The following LYPD6B variants were observed in gnomAD, a reference collection of about 807,000 sequenced individuals.
The protein encoded by LYPD6B is ly6/PLAUR domain-containing protein 6B.
Under a neutral mutation model 22.8 loss-of-function variants are expected in LYPD6B, and 17 were observed. That is an observed-to-expected ratio of 0.75 (90% CI 0.51 to 1.12). The LOEUF (loss-of-function observed/expected upper bound fraction) is 1.12. LYPD6B is among the 50% of genes most tolerant of loss of function. The probability of loss-of-function intolerance (pLI) is 0.00; values close to 1 mark genes in which losing one functional copy is unlikely to be tolerated. For synonymous variants in LYPD6B, 106 were observed against 91.6 expected, an observed-to-expected ratio of 1.16 and a Z score of -0.90; for missense variants, 221 against 258.3, an observed-to-expected ratio of 0.86 and a Z score of 0.99.
chr2:149,208,167 A>G, intron 4 of LYPD6B, 147 bp from the exon 5 acceptor site: 1 of 607,246 alleles, frequency 1.6e-6, no homozygotes. Flanking sequence ...TGATGAGTAA[A>G]TCTAGCTCTC....
At chr2:149,194,783 G>T (rs138993846) in intron 3 of LYPD6B, among the ~76,000 whole-genome samples, 1 of 152,334 alleles carries the variant, frequency 6.6e-6, no homozygotes, top group Non-Finnish European at 1.5e-5. Flanking sequence ...CCAGAGCACA[G>T]TGTAGGGTGG....
intron 1 of LYPD6B, among the ~76,000 whole-genome samples, chr2:149,121,382 T>C (rs549732262): frequency 1.3e-5 from 2 of 152,306 alleles, no homozygotes; most frequent in South Asian, 4.1e-4. Flanking sequence ...TTTTCTACTT[T>C]TTTATGTGAT....
rs1180949013 is a variant in LYPD6B at position 149,080,858 on chromosome 2, AAAAAAAAAAC to A, written c.-67+42058_-67+42067del. Among the ~76,000 whole-genome samples the A allele has an allele frequency of 4.8e-4, 64 of 133,332 alleles. 4 individuals carry two copies. Among genetic ancestry groups the A allele is most frequent in the African/African-American group, 1.7e-3 (61 of 36,176 alleles). 87.5% of individuals were successfully genotyped at this position (133,332 alleles called of 152,430 possible). On this transcript the variant is annotated intron_variant, in intron 1 of 6. Coordinates refer to ENST00000409642, the MANE Select transcript of LYPD6B (RefSeq NM_177964.5). Reference sequence around the variant, plus strand: ...CTCTATCTCAAAAAAAAAAAAAAAAAAAAAAAAAACCACACAAAAAAATTCAGTATATTAG... The same window carrying A: ...CTCTATCTCAAAAAAAAAAAAAAAAACACACAAAAAAATTCAGTATATTAG...
At chr2:149,165,401 A>T (rs1239860760) in intron 3 of LYPD6B, among the ~76,000 whole-genome samples, 1 of 152,214 alleles carries the variant, frequency 6.6e-6, no homozygotes, top group East Asian at 1.9e-4. Flanking sequence ...TATAAAAGCA[A>T]TCTGAAATTA....
chr2:149,072,230 C>G (rs1459983538), intron 1 of LYPD6B, among the ~76,000 whole-genome samples: 3 of 152,166 alleles, frequency 2.0e-5, no homozygotes, highest in African/African-American at 7.2e-5. Flanking sequence ...ACATGTGCCT[C>G]TGGTGAAGAG....
At chr2:149,158,585 G>A (rs544369769) in intron 2 of LYPD6B, among the ~76,000 whole-genome samples, 2 of 152,234 alleles carry the variant, frequency 1.3e-5, no homozygotes, top group South Asian at 4.1e-4. Flanking sequence ...AAAAAGTTAT[G>A]GGAATGGATC....
rs1177871935 is a variant in LYPD6B at position 149,156,934 on chromosome 2, G to A, written c.6-3830G>A. ...GGCTAATGGGACTATTTTAGGGGAA[G>A]TGGGGGTGTGGTTGTACATCAGAAA... On this transcript the variant is annotated intron_variant, in intron 2 of 6. Transcript: ENST00000409642. Among the ~76,000 whole-genome samples the A allele has an allele frequency of 2.0e-5, 3 of 152,320 alleles. No individual in the cohort carries two copies. The East Asian group carries it at 5.8e-4, about 29-fold the overall frequency.
At chr2:149,101,044 C>G (rs1046234513) in intron 1 of LYPD6B, 1 of 152,156 alleles carries the variant, frequency 6.6e-6, no homozygotes, top group Non-Finnish European at 1.5e-5. Flanking sequence ...ACAATAGACC[C>G]TCTTGTTGTC....
At chr2:149,115,805 G>A (rs568497703) in intron 1 of LYPD6B, among the ~76,000 whole-genome samples, 5 of 152,230 alleles carry the variant, frequency 3.3e-5, no homozygotes, top group South Asian at 2.1e-4. Flanking sequence ...GATTACCTAC[G>A]GTCAGCCTCA....
chr2:149,192,932 G>A (rs576917124), intron 3 of LYPD6B, among the ~76,000 whole-genome samples: 1 of 152,196 alleles, frequency 6.6e-6, no homozygotes, highest in African/African-American at 2.4e-5. Context: ...TTTGGGGAGT[G>A]TTAAGTGGGG....
At chr2:149,179,143 C>G (rs1691532545) in intron 3 of LYPD6B, among the ~76,000 whole-genome samples, 1 of 152,168 alleles carries the variant, frequency 6.6e-6, no homozygotes, top group Admixed American at 6.5e-5. Context: ...TGCTGAAGTG[C>G]TAGTCCTTCA....
intron 3 of LYPD6B, among the ~76,000 whole-genome samples, chr2:149,166,000 C>T (rs967489258): frequency 5.3e-5 from 8 of 152,170 alleles, no homozygotes; most frequent in African/African-American, 1.4e-4. Context: ...CACAGTAATT[C>T]TCCTGAGCCC....
intron 1 of LYPD6B, among the ~76,000 whole-genome samples, chr2:149,084,066 T>C (rs954447438): frequency 4.6e-5 from 7 of 152,084 alleles, no homozygotes; most frequent in African/African-American, 1.2e-4. Flanking sequence ...ACTGCTGCAC[T>C]CCTGCCTGGG....
rs138668151 is a variant in LYPD6B at position 149,047,837 on chromosome 2, T to G, written c.-67+9036T>G. On this transcript the variant is annotated intron_variant, in intron 1 of 6. Transcript: ENST00000409642. ...TGTTTTATTCATGTTTTTTCTCTTCTTATTTAGTTTGGGTAATTTCTACTG... is the reference window on the plus strand; with the variant it reads ...TGTTTTATTCATGTTTTTTCTCTTCGTATTTAGTTTGGGTAATTTCTACTG... Among the ~76,000 whole-genome samples the G allele has an allele frequency of 3.5e-4, 53 of 152,310 alleles. No individual in the cohort carries two copies. In the East Asian group the frequency reaches 9.8e-3, roughly 28 times the overall value.
intron 5 of LYPD6B, among the ~76,000 whole-genome samples, chr2:149,209,726 A>C (rs1170593809): frequency 2.0e-5 from 3 of 152,192 alleles, no homozygotes. Flanking sequence ...ATAAATTAGC[A>C]CAAATGGCCG....
At chr2:149,180,337 T>A (rs1282649292) in intron 3 of LYPD6B, among the ~76,000 whole-genome samples, 1 of 152,214 alleles carries the variant, frequency 6.6e-6, no homozygotes, top group Non-Finnish European at 1.5e-5. Context: ...CCAGCTGGAT[T>A]TAATGATTCC....
At chr2:149,053,674 C>G (rs1007306900) in intron 1 of LYPD6B, among the ~76,000 whole-genome samples, 3 of 152,156 alleles carry the variant, frequency 2.0e-5, no homozygotes, top group Admixed American at 6.6e-5. Flanking sequence ...TCATCACTAC[C>G]TAATTCCAGG....
At chr2:149,155,154 G>A (rs1185992532) in intron 2 of LYPD6B, among the ~76,000 whole-genome samples, 1 of 152,170 alleles carries the variant, frequency 6.6e-6, no homozygotes. Context: ...TACCACAAGA[G>A]CCCTGGAACT....
chr2:149,040,691 A>C (rs1158934958), intron 1 of LYPD6B, among the ~76,000 whole-genome samples: 1 of 152,150 alleles, frequency 6.6e-6, no homozygotes, highest in African/African-American at 2.4e-5. Context: ...TCCCAATGAG[A>C]AGTCTGACAA....
Sources: gnomAD v4.1 joint callset for allele counts (sites outside exome capture counted in the v4.1 genomes callset) on GRCh38, gnomAD v4.1.1 for gene constraint, MANE v1.5 for transcripts, NCBI Gene and HGNC (gene_info 2026-07-23, HGNC 2026-07-21) for gene names.